The following ZPBP variants were observed in gnomAD, a reference collection of about 807,000 sequenced individuals.
The protein encoded by ZPBP is zona pellucida binding protein.
Under a neutral mutation model 44.8 loss-of-function variants are expected in ZPBP, and 26 were observed. The ratio of observed to expected loss-of-function variants is 0.58; its 90% CI spans 0.43 to 0.81. The LOEUF is 0.81. Among genes scored for constraint, ZPBP ranks in the 30% least tolerant of loss-of-function variants. The pLI, the probability that ZPBP is intolerant of heterozygous loss-of-function variation, is 0.00. For synonymous variants in ZPBP, 174 were observed against 153.2 expected (o/e 1.14, Z -1.00); for missense variants, 409 against 434.0 (o/e 0.94, Z 0.51).
At chr7:49,979,429 T>A (rs931736430) in intron 7 of ZPBP, among the ~76,000 whole-genome samples, 1 of 152,048 alleles carries the variant, frequency 6.6e-6, no homozygotes, top group African/African-American at 2.4e-5. Context: ...GAGATTCATG[T>A]TAAATTATCT....
chr7:50,008,148 C>T (rs533473208), intron 6 of ZPBP, among the ~76,000 whole-genome samples: 5 of 152,066 alleles, frequency 3.3e-5, no homozygotes, highest in African/African-American at 9.6e-5. Context: ...AAAAACATAA[C>T]AACACTGCAA....
intron 6 of ZPBP, among the ~76,000 whole-genome samples, chr7:50,000,312 A>G (rs2128794149): frequency 6.6e-6 from 1 of 152,252 alleles, no homozygotes; most frequent in East Asian, 1.9e-4. Flanking sequence ...TTTTTCTTAA[A>G]TTATTAGACA....
chr7:49,981,329 TATAATTATATATATTATATAATA>T (rs1363688633), intron 7 of ZPBP, among the ~76,000 whole-genome samples: 3 of 41,008 alleles, frequency 7.3e-5, no homozygotes, highest in East Asian at 4.5e-4. Flanking sequence ...TAATATATAT[TATAATTATATATATTATATAATA>T]TATATTATAT....
Position 49,875,369 on chromosome 7 carries a change from CAAAAAAAAA to C in ZPBP, n.510-24864_510-24856del, listed in dbSNP as rs71018432. 4.9e-3 allele frequency among the ~76,000 whole-genome samples: 94 copies of C among 19,012 alleles called. 2 individuals carry two copies. Among genetic ancestry groups the C allele is most frequent in the African/African-American group, 0.011 (50 of 4,454 alleles). 12.5% of individuals were successfully genotyped at this position (19,012 alleles called of 152,430 possible). On this transcript the variant is annotated intron_variant and non_coding_transcript_variant, in intron 2 of 2. Transcript: ENST00000465922. Reference sequence around the variant, plus strand: ...TGGGTAACAGAGTGAGATTCTGACTCAAAAAAAAAAAAAAAAAAAAAAAAAAAACAGGAA... The same window carrying C: ...TGGGTAACAGAGTGAGATTCTGACTCAAAAAAAAAAAAAAAAAAACAGGAA...
intron 2 of ZPBP, among the ~76,000 whole-genome samples, chr7:49,869,924 C>CTTTTCTATA (rs1013072854): frequency 6.6e-6 from 1 of 151,866 alleles, no homozygotes; most frequent in Admixed American, 6.6e-5. Context: ...AAAGGAATGA[C>CTTTTCTATA]TACTTGATAT....
At position 49,868,835 on chromosome 7, in the gene ZPBP, T is replaced by A. The variant is rs570682579; in HGVS notation, n.510-18321A>T. Among the ~76,000 whole-genome samples the A allele has an allele frequency of 3.2e-4, 49 of 152,272 alleles. 1 individual carries two copies. The South Asian group carries it at 9.7e-3, about 30-fold the overall frequency. ...GGTTTCACCATGTTGGCCAGGCTGG[T>A]CTTGAACTCCTAACCTCAAGTGATC... On this transcript the variant is annotated intron_variant and non_coding_transcript_variant, in intron 2 of 2. Coordinates refer to the ZPBP transcript ENST00000465922.
chr7:49,918,518 C>T (rs576375596), intron 1 of ZPBP: 1 of 152,182 alleles, frequency 6.6e-6, no homozygotes, highest in Non-Finnish European at 1.5e-5. Flanking sequence ...TTTCCTAAAT[C>T]TAGAGATCTC....
intron 4 of ZPBP, among the ~76,000 whole-genome samples, chr7:50,050,471 A>G (rs1350924037): frequency 6.6e-6 from 1 of 152,108 alleles, no homozygotes; most frequent in Non-Finnish European, 1.5e-5. Flanking sequence ...CTGATTTTTG[A>G]CAAAGATGCA....
At chr7:49,900,926 A>T (rs1170073555) in intron 2 of ZPBP, among the ~76,000 whole-genome samples, 1 of 151,908 alleles carries the variant, frequency 6.6e-6, no homozygotes, top group Non-Finnish European at 1.5e-5. Context: ...ACTACATGGG[A>T]TTTATCCCAG....
chr7:49,973,791 C>A (rs1329507746), intron 7 of ZPBP, among the ~76,000 whole-genome samples: 1 of 151,998 alleles, frequency 6.6e-6, no homozygotes, highest in South Asian at 2.1e-4. Flanking sequence ...ATAGAATGAC[C>A]ATATGATTCA....
At chr7:49,865,266 G>C (rs1263605365) in intron 2 of ZPBP, among the ~76,000 whole-genome samples, 1 of 152,194 alleles carries the variant, frequency 6.6e-6, no homozygotes, top group Non-Finnish European at 1.5e-5. Context: ...TGAAAGAGTT[G>C]ATCTCTGAAA....
chr7:50,021,004 C>A (rs1246361944), intron 5 of ZPBP, among the ~76,000 whole-genome samples: 2 of 151,964 alleles, frequency 1.3e-5, no homozygotes, highest in Non-Finnish European at 2.9e-5. Flanking sequence ...ATGAAACAAA[C>A]AACTACAACT....
intron 4 of ZPBP, among the ~76,000 whole-genome samples, chr7:50,057,325 C>G (rs1030723892): frequency 6.6e-6 from 1 of 152,134 alleles, no homozygotes; most frequent in Non-Finnish European, 1.5e-5. Context: ...ACACAACTCT[C>G]CCTCCCAGAT....
intron 2 of ZPBP, among the ~76,000 whole-genome samples, chr7:49,866,196 G>A (rs1310145977): frequency 6.6e-6 from 1 of 152,100 alleles, no homozygotes; most frequent in African/African-American, 2.4e-5. Flanking sequence ...TATCTTATCA[G>A]ACCCAGCTGG....
chr7:49,971,759 A>G (rs774955307), intron 7 of ZPBP, among the ~76,000 whole-genome samples: 9 of 152,134 alleles, frequency 5.9e-5, no homozygotes, highest in Non-Finnish European at 8.8e-5. Context: ...TATGAGGCCA[A>G]TATGATCATG....
intron 6 of ZPBP, among the ~76,000 whole-genome samples, chr7:50,016,571 T>C (rs762989271): frequency 3.3e-5 from 5 of 151,962 alleles, no homozygotes; most frequent in African/African-American, 4.8e-5. Context: ...TAAATAAAAA[T>C]GACATAAGAA....
intron 7 of ZPBP, among the ~76,000 whole-genome samples, chr7:49,966,767 G>T (rs1367202096): frequency 6.6e-6 from 1 of 152,104 alleles, no homozygotes; most frequent in Non-Finnish European, 1.5e-5. Flanking sequence ...TTGCTGCAGA[G>T]ATTAGTTTTG....
chr7:49,873,516 C>T (rs573161676), intron 2 of ZPBP, among the ~76,000 whole-genome samples: 1 of 152,318 alleles, frequency 6.6e-6, no homozygotes, highest in African/African-American at 2.4e-5. Flanking sequence ...CACAAACATT[C>T]AGACCATTGC....
At chr7:49,845,498 G>T (rs1327863193), downstream of ZPBP, among the ~76,000 whole-genome samples, 1 of 152,186 alleles carries the variant, frequency 6.6e-6, no homozygotes, top group Non-Finnish European at 1.5e-5. Context: ...ACACTGAAAT[G>T]TAGAATGGTG....
Sources: gnomAD v4.1 joint callset for allele counts (sites outside exome capture counted in the v4.1 genomes callset) on GRCh38, gnomAD v4.1.1 for gene constraint, MANE v1.5 for transcripts, NCBI Gene and HGNC (gene_info 2026-07-23, HGNC 2026-07-21) for gene names.